Variants in CEP57L1 observed in about 807,000 individuals in gnomAD.
The protein encoded by CEP57L1 is centrosomal protein CEP57L1.
Under a neutral mutation model 61.0 loss-of-function variants are expected in CEP57L1, and 37 were observed. The observed-to-expected ratio is 0.61, with a 90% CI of 0.47 to 0.80. CEP57L1 has a LOEUF of 0.80. CEP57L1 is among the 30% of genes least tolerant of loss of function. The pLI, the probability that CEP57L1 is intolerant of heterozygous loss-of-function variation, is 0.00. For missense variants in CEP57L1, 422 were observed against 524.7 expected (o/e 0.80, Z 1.91); for synonymous variants, 137 against 162.3 (o/e 0.84, Z 1.19).
chr6:109,141,499 T>C (rs768638033), intron 1 of CEP57L1, among the ~76,000 whole-genome samples: 22 of 152,096 alleles, frequency 1.4e-4, no homozygotes, highest in Non-Finnish European at 7.4e-5. Flanking sequence ...TTTTCTAACA[T>C]CATTTATTGG....
intron 1 of CEP57L1, among the ~76,000 whole-genome samples, chr6:109,135,892 A>G (rs914486967): frequency 1.3e-4 from 20 of 152,174 alleles, no homozygotes; most frequent in African/African-American, 4.8e-4. Context: ...TTAGAATGGC[A>G]ATCATTAAAA....
At position 109,169,845 on chromosome 6, in the gene CEP57L1, G is replaced by A. The variant is rs75850874; in HGVS notation, c.*6875G>A. Among the ~76,000 whole-genome samples, 8 of 152,192 alleles carry A rather than the reference G, an allele frequency of 5.3e-5. No homozygotes were observed. The South Asian group carries it at 6.2e-4, about 12-fold the overall frequency. On this transcript the variant is annotated 3_prime_UTR_variant, in exon 11 of 11. Transcript: ENST00000517392. ...GTTATTTGACAAACCCTATTTTTCCGAGCATCAACAGTCAGTGGCACCATG... is the reference window on the plus strand; with the variant it reads ...GTTATTTGACAAACCCTATTTTTCCAAGCATCAACAGTCAGTGGCACCATG...
At chr6:109,135,513 T>G (rs565542769) in intron 1 of CEP57L1, among the ~76,000 whole-genome samples, 54 of 152,244 alleles carry the variant, frequency 3.5e-4, no homozygotes, top group African/African-American at 1.2e-3. Flanking sequence ...GGCAAGGACT[T>G]CATGTCAAAA....
chr6:109,164,439 T>G lies in CEP57L1; in HGVS notation c.*1469T>G, dbSNP rs575755185. On this transcript the variant is annotated 3_prime_UTR_variant, in exon 11 of 11. Coordinates refer to ENST00000517392, the MANE Select transcript of CEP57L1 (RefSeq NM_001271852.3). ...GTAGTTAATGGCAGAGATCAAAATT[T>G]CCTCCTGTTGTAAATAGTGCATGTG... Among the ~76,000 whole-genome samples the G allele has an allele frequency of 2.5e-3, 376 of 152,226 alleles. 1 individual carries two copies. Among genetic ancestry groups the G allele is most frequent in the African/African-American group, 8.7e-3 (360 of 41,536 alleles).
Position 109,169,226 on chromosome 6 carries a change from CAAAAAAAAAAAA to C in CEP57L1, c.*6266_*6277del, listed in dbSNP as rs202070350. Reference sequence around the variant, plus strand: ...GAGCAGCAGAGTGAGGCTCCATCAGCAAAAAAAAAAAAAAAAAAAAAGATCAGAGTGCATCAC... The same window carrying C: ...GAGCAGCAGAGTGAGGCTCCATCAGCAAAAAAAAAGATCAGAGTGCATCAC... On this transcript the variant is annotated 3_prime_UTR_variant, in exon 11 of 11. Transcript: ENST00000517392. 1.5e-5 allele frequency among the ~76,000 whole-genome samples: 1 copy of C among 67,550 alleles called. No individual in the cohort carries two copies. Among genetic ancestry groups the C allele is most frequent in the East Asian group, 6.5e-4 (1 of 1,546 alleles). The allele number at this position is 67,550 out of a possible 152,430, so 44.3% of individuals were successfully genotyped here.
Position 109,167,941 on chromosome 6 carries a change from G to T in CEP57L1, c.*4971G>T, listed in dbSNP as rs1021181693. 1.3e-5 allele frequency among the ~76,000 whole-genome samples: 2 copies of T among 152,298 alleles called. No individual in the cohort carries two copies. The highest frequency in any genetic ancestry group is 1.3e-4 in the Admixed American group (2 of 15,304). ...TACTATGGAATTCCGTTTTCAAGTT[G>T]CTTATAGTCTTGAGGAGAGATAAGA... On this transcript the variant is annotated 3_prime_UTR_variant, in exon 11 of 11. Coordinates refer to ENST00000517392, the MANE Select transcript of CEP57L1 (RefSeq NM_001271852.3).
chr6:109,129,343 A>G (rs1374805718), intron 1 of CEP57L1: 1 of 1,196,586 alleles, frequency 8.4e-7, no homozygotes, highest in South Asian at 1.5e-5. Context: ...ATAATAATAT[A>G]GACTGCCGAC....
chr6:109,149,959 A>G (rs1346335968), intron 3 of CEP57L1, among the ~76,000 whole-genome samples, 159 bp from the exon 4 acceptor site: 1 of 152,118 alleles, frequency 6.6e-6, no homozygotes, highest in Non-Finnish European at 1.5e-5. Flanking sequence ...TGATTTTTGT[A>G]CATTGATTTT....
At chr6:109,112,708 G>T (rs555046140) in intron 1 of CEP57L1, among the ~76,000 whole-genome samples, 9 of 152,114 alleles carry the variant, frequency 5.9e-5, no homozygotes, top group Non-Finnish European at 8.8e-5. Flanking sequence ...CTGGTACGTT[G>T]TGTCTTTGTT....
intron 2 of CEP57L1, 61 bp from the exon 3 acceptor site, chr6:109,146,693 GTTAC>G: frequency 9.3e-7 from 1 of 1,076,032 alleles, no homozygotes; most frequent in Non-Finnish European, 1.3e-6. Flanking sequence ...TTTTTCTTAT[GTTAC>G]TTTGATTGTA....
intron 1 of CEP57L1, among the ~76,000 whole-genome samples, chr6:109,127,655 C>G (rs1209700787): frequency 5.9e-5 from 9 of 151,796 alleles, no homozygotes. Context: ...TGAGTCTCCT[C>G]TGTCACCCAG....
intron 1 of CEP57L1, among the ~76,000 whole-genome samples, chr6:109,136,309 G>A (rs1211875546): frequency 4.6e-5 from 7 of 152,170 alleles, no homozygotes; most frequent in Non-Finnish European, 5.9e-5. Flanking sequence ...GCAAACTATC[G>A]CAAGGACAAA....
At chr6:109,129,788 C>T (rs915198513) in intron 1 of CEP57L1, among the ~76,000 whole-genome samples, 8 of 151,508 alleles carry the variant, frequency 5.3e-5, no homozygotes, top group African/African-American at 9.7e-5. Flanking sequence ...TCTTTCTCTT[C>T]GCAGGTTTAT....
intron 7 of CEP57L1, 138 bp from the exon 8 acceptor site, chr6:109,158,887 A>G (rs1046513960): frequency 2.7e-6 from 2 of 736,824 alleles, no homozygotes; most frequent in South Asian, 1.8e-5. Flanking sequence ...ACGTATGTCT[A>G]TGTCAGTGAA....
chr6:109,104,525 C>T (rs1329617098), intron 1 of CEP57L1, among the ~76,000 whole-genome samples: 1 of 152,092 alleles, frequency 6.6e-6, no homozygotes, highest in Non-Finnish European at 1.5e-5. Flanking sequence ...TTTTCATTTC[C>T]CCACATCCTT....
At chr6:109,142,946 G>GCTCTCTCTCTCT (rs35714375) in intron 1 of CEP57L1, among the ~76,000 whole-genome samples, 4 of 55,518 alleles carry the variant, frequency 7.2e-5, no homozygotes, top group African/African-American at 1.2e-4. Flanking sequence ...TGTCTCTCTT[G>GCTCTCTCTCTCT]CTCTCTCTCT....
At chr6:109,111,594 T>G (rs1478653373) in intron 1 of CEP57L1, among the ~76,000 whole-genome samples, 2 of 152,208 alleles carry the variant, frequency 1.3e-5, no homozygotes, top group Non-Finnish European at 2.9e-5. Flanking sequence ...CATCCTTGTC[T>G]TCTGCCGGTT....
intron 3 of CEP57L1, among the ~76,000 whole-genome samples, chr6:109,147,153 A>C (rs889086754): frequency 2.0e-5 from 3 of 152,164 alleles, no homozygotes; most frequent in Non-Finnish European, 4.4e-5. Flanking sequence ...CATAAATTCT[A>C]GAAATTAAAG....
chr6:109,106,779 A>G (rs1028390750), intron 1 of CEP57L1, among the ~76,000 whole-genome samples: 15 of 152,066 alleles, frequency 9.9e-5, no homozygotes, highest in African/African-American at 3.6e-4. Flanking sequence ...CTAAAAATAC[A>G]AAAAAAGAAA....
Sources: allele counts gnomAD v4.1 joint callset (sites outside exome capture counted in the v4.1 genomes callset), GRCh38; gene constraint gnomAD v4.1.1; transcripts MANE v1.5; gene names NCBI Gene and HGNC (gene_info 2026-07-23, HGNC 2026-07-21).